LAMA1: variants seen among roughly 807,000 people sequenced by gnomAD.
LAMA1 encodes the protein laminin subunit alpha 1.
A neutral mutation model predicts 348.7 loss-of-function variants in LAMA1; 219 were observed. That is an observed-to-expected ratio of 0.63 (90% CI 0.56 to 0.70). LAMA1 has a LOEUF of 0.70. LAMA1 is among the 30% of genes least tolerant of loss of function. The pLI is 0.00. For missense variants in LAMA1, 3,744 were observed against 3,888.0 expected, an observed-to-expected ratio of 0.96 and a Z score of 0.99; for synonymous variants, 1,487 against 1,491.0, an observed-to-expected ratio of 1.00 and a Z score of 0.06.
chr18:7,054,060 C>T (rs968930494), intron 3 of LAMA1, among the ~76,000 whole-genome samples: 4 of 152,114 alleles, frequency 2.6e-5, no homozygotes, highest in Non-Finnish European at 4.4e-5. Context: ...CTTGAGCCAC[C>T]ATGCCTGGCC....
intron 3 of LAMA1, among the ~76,000 whole-genome samples, chr18:7,067,551 G>T (rs1214314900): frequency 6.6e-6 from 1 of 152,058 alleles, no homozygotes; most frequent in African/African-American, 2.4e-5. Context: ...CTGGGAAGGG[G>T]GTGGGGGAGC....
Position 6,946,342 on chromosome 18 carries a change from G to A in LAMA1, c.8844+821C>T, listed in dbSNP as rs183688405. 7.9e-4 allele frequency among the ~76,000 whole-genome samples: 120 copies of A among 152,274 alleles called. 1 individual carries two copies. The highest frequency in any genetic ancestry group is 2.8e-3 in the African/African-American group (115 of 41,556). ...AATTAGAGGGACAGCAAACAGATTA[G>A]TGGTTGCCTAGGATTAGGGGTACAG... On this transcript the variant is annotated intron_variant, in intron 61 of 62. Coordinates refer to ENST00000389658, the MANE Select transcript of LAMA1 (RefSeq NM_005559.4).
chr18:7,027,243 A>G (rs772844962), intron 16 of LAMA1, among the ~76,000 whole-genome samples: 15 of 152,210 alleles, frequency 9.9e-5, no homozygotes, highest in Non-Finnish European at 1.8e-4. Flanking sequence ...TAAGTGTACT[A>G]TGGTTATACA....
intron 37 of LAMA1, among the ~76,000 whole-genome samples, chr18:6,985,896 C>T (rs930692766): frequency 5.9e-5 from 9 of 152,100 alleles, no homozygotes; most frequent in Non-Finnish European, 1.2e-4. Context: ...GTAGCTGGGA[C>T]TACAGGCGCA....
intron 3 of LAMA1, among the ~76,000 whole-genome samples, chr18:7,078,910 C>T (rs1394426666): frequency 2.0e-5 from 3 of 152,054 alleles, no homozygotes; most frequent in African/African-American, 7.2e-5. Context: ...TCGCTTGAAC[C>T]GGGGAGGCGG....
intron 1 of LAMA1, among the ~76,000 whole-genome samples, chr18:7,085,677 C>CAA (rs1191857299): frequency 1.3e-5 from 2 of 152,098 alleles, no homozygotes; most frequent in Non-Finnish European, 2.9e-5. Context: ...CTCAGCCTCC[C>CAA]AAAGTGCTGG....
chr18:7,099,713 A>G (rs1446911243), intron 1 of LAMA1, among the ~76,000 whole-genome samples: 1 of 151,886 alleles, frequency 6.6e-6, no homozygotes, highest in South Asian at 2.1e-4. Context: ...TAAAAATAAT[A>G]AAAAATAAAA....
chr18:7,035,875 CA>C, intron 13 of LAMA1, 111 bp downstream of exon 13: 1 of 840,472 alleles, frequency 1.2e-6, no homozygotes, highest in Non-Finnish European at 2.0e-6. Flanking sequence ...ACTGAATGGC[CA>C]CCTGGCCACC....
chr18:7,105,163 G>T (rs2058306829), intron 1 of LAMA1, among the ~76,000 whole-genome samples: 1 of 152,090 alleles, frequency 6.6e-6, no homozygotes, highest in South Asian at 2.1e-4. Context: ...AGCAGACCAG[G>T]CGCAGTGGCT....
intron 20 of LAMA1, 138 bp from the exon 21 acceptor site, chr18:7,016,809 T>C (rs2144127112): frequency 1.2e-6 from 1 of 805,126 alleles, no homozygotes; most frequent in Non-Finnish European, 1.9e-6. Context: ...CATCCCTTTA[T>C]AGCAAACATC....
chr18:7,104,151 G>A (rs1249837913), intron 1 of LAMA1, among the ~76,000 whole-genome samples: 1 of 151,916 alleles, frequency 6.6e-6, no homozygotes, highest in African/African-American at 2.4e-5. Context: ...GCTGATTTTT[G>A]TAATTTTAGT....
chr18:7,067,295 C>T (rs1202935489), intron 3 of LAMA1, among the ~76,000 whole-genome samples: 2 of 151,190 alleles, frequency 1.3e-5, no homozygotes, highest in Non-Finnish European at 2.9e-5. Context: ...ATAAATGTTG[C>T]TATATCCATA....
intron 1 of LAMA1, among the ~76,000 whole-genome samples, chr18:7,098,848 G>A (rs1331893815): frequency 7.9e-6 from 1 of 126,648 alleles, no homozygotes; most frequent in East Asian, 2.4e-4. Flanking sequence ...GGAGGTGGGG[G>A]GGTCAGCCCC....
intron 3 of LAMA1, among the ~76,000 whole-genome samples, chr18:7,066,485 T>C (rs1043191613): frequency 6.6e-6 from 1 of 152,214 alleles, no homozygotes. Context: ...CAGCCTCTAA[T>C]ATTGATATTC....
At chr18:7,021,192 C>T (rs907743806) in intron 19 of LAMA1, among the ~76,000 whole-genome samples, 1 of 152,126 alleles carries the variant, frequency 6.6e-6, no homozygotes, top group Non-Finnish European at 1.5e-5. Flanking sequence ...CTTCAGGAGG[C>T]AGCCCGGGCC....
At chr18:7,009,617 A>G (rs147740839) in intron 26 of LAMA1, among the ~76,000 whole-genome samples, 1 of 152,318 alleles carries the variant, frequency 6.6e-6, no homozygotes, top group East Asian at 1.9e-4. Flanking sequence ...CATCTGCTGG[A>G]AGAATAAACA....
Position 7,117,794 on chromosome 18 carries a change from G to C in LAMA1, c.-74C>G. The C allele has an allele frequency of 7.3e-7, 1 of 1,368,082 alleles. No individual in the cohort carries two copies. The highest frequency in any genetic ancestry group is 1.0e-6 in the Non-Finnish European group (1 of 999,346). The allele number at this position is 1,368,082 out of a possible 1,614,324, so 84.7% of individuals were successfully genotyped here. A position where few individuals can be genotyped will look rare whatever the true frequency, so the allele number is the denominator to read the frequency against. On this transcript the variant is annotated 5_prime_UTR_variant, in exon 1 of 63. Coordinates refer to ENST00000389658, the MANE Select transcript of LAMA1 (RefSeq NM_005559.4). Reference sequence around the variant, plus strand: ...GCCTGGAACGCTCCACGGGACGCGAGTCCGCGCTGCCCTGGCCCCGCCGCT... The same window carrying C: ...GCCTGGAACGCTCCACGGGACGCGACTCCGCGCTGCCCTGGCCCCGCCGCT...
At position 6,992,610 on chromosome 18, in the gene LAMA1, G is replaced by A. The variant is rs758572268; in HGVS notation, c.5119C>T (p.Gln1707Ter). 6.2e-7 allele frequency: 1 copy of A among 1,614,118 alleles called. No individual in the cohort carries two copies. The highest frequency in any genetic ancestry group is 8.5e-7 in the Non-Finnish European group (1 of 1,179,980). The change falls in exon 36 of 63, where the codon CAG becomes TAG. Residue 1707 changes from glutamine to a stop codon, truncating the protein, a stop_gained. Coordinates refer to ENST00000389658, the MANE Select transcript of LAMA1 (RefSeq NM_005559.4). LOFTEE classifies it high-confidence loss of function. ...QNGTSLLEIMQIRDFTQLHQN... is the reference protein window; with the variant it reads ...QNGTSLLEIM ...TGCAACTGTGTGAAGTCTCTTATCT[G>A]CATGATTTCTAGCAAAGATGTACCA... is the stretch of plus-strand genomic sequence containing the variant.
chr18:6,944,480 C>A (rs1255320116), intron 61 of LAMA1, among the ~76,000 whole-genome samples: 1 of 152,120 alleles, frequency 6.6e-6, no homozygotes, highest in Non-Finnish European at 1.5e-5. Context: ...GAAGTCCTAA[C>A]CCCCAGTACC....
Sources: gnomAD v4.1 joint callset for allele counts (sites outside exome capture counted in the v4.1 genomes callset) on GRCh38, gnomAD v4.1.1 for gene constraint, MANE v1.5 for transcripts, NCBI Gene and HGNC (gene_info 2026-07-23, HGNC 2026-07-21) for gene names.